Variants in SCARA3 observed in about 807,000 individuals in gnomAD.
SCARA3 encodes scavenger receptor class A member 3, also known as cellular stress response gene protein.
A neutral mutation model predicts 47.0 loss-of-function variants in SCARA3; 39 were observed. The ratio of observed to expected loss-of-function variants is 0.83; its 90% CI spans 0.64 to 1.08. The LOEUF is 1.08. Ranked by LOEUF, SCARA3 falls within the 50% of genes least tolerant of loss-of-function variation. SCARA3 has a pLI of 0.00. For synonymous variants in SCARA3, 356 were observed against 334.1 expected (o/e 1.07, Z -0.71); for missense variants, 724 against 792.3 (o/e 0.91, Z 1.04).
downstream of SCARA3, among the ~76,000 whole-genome samples, chr8:27,675,865 G>A (rs374122922): frequency 8.6e-5 from 13 of 151,988 alleles, 1 homozygote; most frequent in South Asian, 4.2e-4. Flanking sequence ...TCAGGGACGC[G>A]GTGGGATGGG....
chr8:27,704,752 T>TCA, the SCARA3 span, among the ~76,000 whole-genome samples: 32,341 of 149,634 alleles, frequency 0.22, 3,553 homozygotes, highest in Middle Eastern at 0.35. Flanking sequence ...TAGGATTCCA[T>TCA]CACACACACA....
At chr8:27,654,759 C>T (rs1250595275) in intron 3 of SCARA3, among the ~76,000 whole-genome samples, 1 of 144,506 alleles carries the variant, frequency 6.9e-6, no homozygotes. Context: ...TGCTGCACTC[C>T]AGCCTGGGTG....
In SCARA3 at chr8:27,658,817, TCAAG is replaced by T; in HGVS notation, c.648_651del (p.Lys217LeufsTer29). Reference sequence around the variant, plus strand: ...GACCTCACCCAGGAGTGCTACGATGTCAAGGCTGCAGTGCACCAGATCAACTTCA... The same window carrying T: ...GACCTCACCCAGGAGTGCTACGATGTGCTGCAGTGCACCAGATCAACTTCA... On this transcript the variant is annotated frameshift_variant, in exon 5 of 6. Coordinates refer to ENST00000301904, the MANE Select transcript of SCARA3 (RefSeq NM_016240.3). LOFTEE classifies it high-confidence loss of function. The T allele has an allele frequency of 6.2e-7, 1 of 1,614,102 alleles. No individual in the cohort carries two copies. The highest frequency in any genetic ancestry group is 8.5e-7 in the Non-Finnish European group (1 of 1,180,004).
the SCARA3 span, among the ~76,000 whole-genome samples, chr8:27,700,415 T>C: frequency 3.3e-5 from 5 of 152,156 alleles, no homozygotes; most frequent in Admixed American, 3.3e-4. Flanking sequence ...AAGAACAGCC[T>C]GGCCAACATG....
chr8:27,653,222 G>A (rs942418489), intron 3 of SCARA3, among the ~76,000 whole-genome samples: 8 of 152,204 alleles, frequency 5.3e-5, no homozygotes, highest in African/African-American at 1.4e-4. Flanking sequence ...CGCAGGCACC[G>A]AAGAGTTTCA....
chr8:27,732,748 G>T, the SCARA3 span, among the ~76,000 whole-genome samples: 1 of 152,198 alleles, frequency 6.6e-6, no homozygotes, highest in Non-Finnish European at 1.5e-5. Context: ...TGCAGGTATT[G>T]CCCTGACTAG....
the SCARA3 span, among the ~76,000 whole-genome samples, chr8:27,715,850 A>ATAGG: frequency 2.1e-4 from 28 of 133,250 alleles, no homozygotes; most frequent in Admixed American, 5.3e-4. The surrounding 1 kb of genome is among the most constrained non-coding windows in gnomAD (Gnocchi z 4.2). Flanking sequence ...AGATAGATAG[A>ATAGG]TAGATAGATA....
At chr8:27,725,768 G>T in the SCARA3 span, among the ~76,000 whole-genome samples, 1 of 152,152 alleles carries the variant, frequency 6.6e-6, no homozygotes, top group Admixed American at 6.5e-5. Flanking sequence ...GGAAGAGTTG[G>T]GGGGTCTTGC....
At chr8:27,684,043 T>C in the SCARA3 span, among the ~76,000 whole-genome samples, 4 of 152,214 alleles carry the variant, frequency 2.6e-5, no homozygotes, top group Non-Finnish European at 5.9e-5. Context: ...CCTCACGTTG[T>C]GCAGGGAAGA....
At chr8:27,724,918 T>G in the SCARA3 span, among the ~76,000 whole-genome samples, 1 of 152,064 alleles carries the variant, frequency 6.6e-6, no homozygotes, top group Admixed American at 6.6e-5. Context: ...ACAGAGAAAA[T>G]TCATCAAAAC....
chr8:27,659,438 G>A lies in SCARA3; in HGVS notation c.1268G>A (p.Arg423Gln), dbSNP rs3735754. ...GAGCGCTTCAGCCTGCTCAGTGCCC[G>A]GCTGGACCTCAACGTCCGGAACCTC... ...LRERFSLLSARLDLNVRNLSM... is the reference protein window; with the variant it reads ...LRERFSLLSAQLDLNVRNLSM... The change falls in exon 5 of 6, where the codon CGG (arginine) becomes CAG (glutamine). Residue 423 changes from arginine (R) to glutamine (Q), a missense_variant. Arg to Gln is a conservative substitution (Grantham distance 43). Coordinates refer to ENST00000301904, the MANE Select transcript of SCARA3 (RefSeq NM_016240.3). 5.3e-3 allele frequency: 8,589 copies of A among 1,613,784 alleles called. 398 individuals carry two copies. The East Asian group carries it at 0.12, about 22-fold the overall frequency.
intron 3 of SCARA3, among the ~76,000 whole-genome samples, chr8:27,656,387 G>A (rs1014433633): frequency 6.6e-6 from 1 of 152,108 alleles, no homozygotes; most frequent in South Asian, 2.1e-4. Flanking sequence ...CAGGTAAGAG[G>A]GGAACACTGT....
At chr8:27,641,540 C>T (rs940721571) in intron 1 of SCARA3, among the ~76,000 whole-genome samples, 45 of 152,136 alleles carry the variant, frequency 3.0e-4, no homozygotes, top group African/African-American at 9.2e-4. Flanking sequence ...TAGTGCAATT[C>T]GAAGAAAGCA....
chr8:27,672,381 G>C lies in SCARA3; in HGVS notation c.*1030G>C. ...ATGGGAGACAGAGGCAGGCCAGAAG[G>C]TTCTCTCTGCACAGCTGCCTCCCTT... is the stretch of plus-strand genomic sequence containing the variant. On this transcript the variant is annotated 3_prime_UTR_variant, in exon 6 of 6. Coordinates refer to ENST00000301904, the MANE Select transcript of SCARA3 (RefSeq NM_016240.3). 3 of 985,558 alleles carry C rather than the reference G, an allele frequency of 3.0e-6. No homozygotes were observed. Among genetic ancestry groups the C allele is most frequent in the Non-Finnish European group, 3.6e-6 (3 of 830,032 alleles). 61.1% of individuals were successfully genotyped at this position (985,558 alleles called of 1,614,324 possible). A position where few individuals can be genotyped will look rare whatever the true frequency, so the allele number is the denominator to read the frequency against.
At chr8:27,695,532 C>T in the SCARA3 span, among the ~76,000 whole-genome samples, 1 of 152,034 alleles carries the variant, frequency 6.6e-6, no homozygotes, top group Non-Finnish European at 1.5e-5. Flanking sequence ...AAAAATGTGA[C>T]CCATTGTCAA....
intron 1 of SCARA3, among the ~76,000 whole-genome samples, chr8:27,649,416 G>A (rs905460171): frequency 6.6e-6 from 1 of 152,212 alleles, no homozygotes; most frequent in Non-Finnish European, 1.5e-5. Context: ...ACCTTCATGG[G>A]TTTCAGCAAG....
chr8:27,659,145 G>A lies in SCARA3; in HGVS notation c.975G>A (p.Met325Ile), dbSNP rs1801831542. Residue 325 changes from methionine to isoleucine, a missense_variant, in exon 5 of 6, where the codon ATG (methionine) becomes ATA (isoleucine). By Grantham distance (10) the Met-to-Ile change is conservative. Transcript: ENST00000301904. ...SSFLDDHEEN[M>I]HDLQYHTHYA... ...TCCTGGATGACCACGAAGAGAACAT[G>A]CATGATCTTCAGTACCATACCCACT... The A allele has an allele frequency of 1.2e-6, 2 of 1,613,984 alleles. No individual in the cohort carries two copies. The highest frequency in any genetic ancestry group is 4.5e-5 in the East Asian group (2 of 44,872).
chr8:27,672,859 G>A lies in SCARA3; in HGVS notation c.*1508G>A, dbSNP rs485609. 11 of 985,334 alleles carry A rather than the reference G, an allele frequency of 1.1e-5. No individual in the cohort carries two copies. The African/African-American group carries it at 1.6e-4, about 14-fold the overall frequency. 61.0% of individuals were successfully genotyped at this position (985,334 alleles called of 1,614,324 possible). A position where few individuals can be genotyped will look rare whatever the true frequency, so the allele number is the denominator to read the frequency against. ...CTCCTTCCCAACACGGACCCAGAGA[G>A]CAGCCCTTCCCTGCTCAAAGCCTTT... is the stretch of plus-strand genomic sequence containing the variant. On this transcript the variant is annotated 3_prime_UTR_variant, in exon 6 of 6. Coordinates refer to ENST00000301904, the MANE Select transcript of SCARA3 (RefSeq NM_016240.3).
the SCARA3 span, chr8:27,701,488 T>C: frequency 6.6e-6 from 1 of 152,156 alleles, no homozygotes; most frequent in Admixed American, 6.5e-5. Context: ...GGTGTCATCA[T>C]GGCAAGACAT....
Sources: gnomAD v4.1 joint callset for allele counts (sites outside exome capture counted in the v4.1 genomes callset) on GRCh38, gnomAD v4.1.1 for gene constraint, Gnocchi (gnomAD v3.1) non-coding constraint, MANE v1.5 for transcripts, NCBI Gene and HGNC (gene_info 2026-07-23, HGNC 2026-07-21) for gene names.